Variants in BIN1 observed in about 807,000 individuals in gnomAD.
The protein encoded by BIN1 is myc box-dependent-interacting protein 1.
Under a neutral mutation model 82.0 loss-of-function variants are expected in BIN1, and 53 were observed. That is an observed-to-expected ratio of 0.65 (90% CI 0.52 to 0.81). The LOEUF (loss-of-function observed/expected upper bound fraction) is 0.81. BIN1 is among the 40% of genes least tolerant of loss of function. BIN1 has a pLI of 0.00. For synonymous variants in BIN1, 302 were observed against 328.0 expected (o/e 0.92, Z 0.86); for missense variants, 642 against 784.4 (o/e 0.82, Z 2.17).
intron 15 of BIN1, among the ~76,000 whole-genome samples, chr2:127,051,710 T>G (rs951818212): frequency 2.0e-5 from 3 of 152,122 alleles, no homozygotes; most frequent in Admixed American, 6.5e-5. Context: ...GGTGGTGCGG[T>G]GCAGCCTGTG....
At chr2:127,054,096 G>C (rs1347814824) in intron 12 of BIN1, 84 bp from the exon 13 acceptor site, 4 of 1,143,874 alleles carry the variant, frequency 3.5e-6, no homozygotes, top group Non-Finnish European at 5.2e-6. Flanking sequence ...TGCAGGCACA[G>C]GCACACGCGT....
At position 127,086,082 on chromosome 2, in the gene BIN1, A is replaced by G. The variant is rs528085908; in HGVS notation, c.85-9376T>C. 2.6e-5 allele frequency among the ~76,000 whole-genome samples: 4 copies of G among 151,990 alleles called. No individual in the cohort carries two copies. The South Asian group carries it at 8.3e-4, about 32-fold the overall frequency. On this transcript the variant is annotated intron_variant, in intron 1 of 18. Coordinates refer to ENST00000316724, the MANE Select transcript of BIN1 (RefSeq NM_139343.3). The stretch of plus-strand genomic sequence containing the variant: ...AAGGACTCACCTTGGGGGACACATC[A>G]CCCTTGAACCCCCTCCCGTTGGGTT...
At position 127,059,259 on chromosome 2, in the gene BIN1, G is replaced by T; in HGVS notation, c.858-104C>A. On this transcript the variant is annotated intron_variant, in intron 10 of 18. Coordinates refer to ENST00000316724, the MANE Select transcript of BIN1 (RefSeq NM_139343.3). This position sits in a 1 kb window ranked among gnomAD's most constrained non-coding sequence, Gnocchi z 6.7. Reference sequence around the variant, plus strand: ...CTGTGTGAAGAGGTGTGTGCATATGGAGGTGTGAAACTGTGTGTGTGTGTG... The same window carrying T: ...CTGTGTGAAGAGGTGTGTGCATATGTAGGTGTGAAACTGTGTGTGTGTGTG... The T allele has an allele frequency of 7.6e-7, 1 of 1,318,858 alleles. No individual in the cohort carries two copies. Among genetic ancestry groups the T allele is most frequent in the Non-Finnish European group, 1.0e-6 (1 of 964,850 alleles). The allele number at this position is 1,318,858 out of a possible 1,614,324, so 81.7% of individuals were successfully genotyped here.
chr2:127,083,556 C>A (rs538441742), intron 1 of BIN1, among the ~76,000 whole-genome samples: 2 of 152,276 alleles, frequency 1.3e-5, no homozygotes, highest in South Asian at 2.1e-4. Flanking sequence ...ACCATAAGCA[C>A]CCCCAATACA....
chr2:127,058,521 C>G (rs1684000043), intron 11 of BIN1, among the ~76,000 whole-genome samples: 1 of 150,564 alleles, frequency 6.6e-6, no homozygotes, highest in Non-Finnish European at 1.5e-5. Context: ...GGACCTGCCC[C>G]CTTAGCCACC....
At chr2:127,073,633 A>AT (rs1410054143) in intron 2 of BIN1, among the ~76,000 whole-genome samples, 1 of 152,026 alleles carries the variant, frequency 6.6e-6, no homozygotes, top group Non-Finnish European at 1.5e-5. Flanking sequence ...CCCCTCTGGC[A>AT]CCCCTCAGCC....
chr2:127,068,281 G>T lies in BIN1; in HGVS notation c.520-26C>A. 2 of 1,586,530 alleles carry T rather than the reference G, an allele frequency of 1.3e-6. No individual in the cohort carries two copies. Among genetic ancestry groups the T allele is most frequent in the Non-Finnish European group, 1.7e-6 (2 of 1,161,706 alleles). ...CTGGGGTGGGGAGGTCAAGGCAAAG[G>T]AAGGTGGAGAGACCAGGGAGGTGGG... On this transcript the variant is annotated intron_variant, in intron 6 of 18. Transcript: ENST00000316724. The surrounding 1 kb of genome is among the most constrained non-coding windows in gnomAD (Gnocchi z 4.9).
intron 10 of BIN1, 70 bp downstream of exon 10, chr2:127,062,045 G>T (rs889262130): frequency 9.8e-6 from 15 of 1,525,632 alleles, no homozygotes; most frequent in East Asian, 2.4e-5. Context: ...GGCACCAACA[G>T]GGTCACAGGA....
chr2:127,059,211 C>A lies in BIN1; in HGVS notation c.858-56G>T. The A allele has an allele frequency of 1.3e-6, 2 of 1,536,096 alleles. No individual in the cohort carries two copies. The highest frequency in any genetic ancestry group is 1.7e-4 in the Middle Eastern group (1 of 5,960). On this transcript the variant is annotated intron_variant, in intron 10 of 18. Transcript: ENST00000316724. This position sits in a 1 kb window ranked among gnomAD's most constrained non-coding sequence, Gnocchi z 6.7. ...TGTTGGGGGGCCAAGGCACAGGAGACGGAGGGGCAAATGTATTGACGTCTG... is the reference window on the plus strand; with the variant it reads ...TGTTGGGGGGCCAAGGCACAGGAGAAGGAGGGGCAAATGTATTGACGTCTG...
At chr2:127,063,137 T>C (rs1573605589) in intron 9 of BIN1, among the ~76,000 whole-genome samples, 2 of 152,304 alleles carry the variant, frequency 1.3e-5, no homozygotes, top group South Asian at 4.1e-4. Flanking sequence ...TGTCGCACAG[T>C]GGATTCACGC....
chr2:127,099,767 C>A (rs1480136387), intron 1 of BIN1, among the ~76,000 whole-genome samples: 2 of 151,522 alleles, frequency 1.3e-5, no homozygotes, highest in African/African-American at 4.9e-5. Context: ...CCGCCTCGGC[C>A]TCCCAAAGTG....
intron 1 of BIN1, among the ~76,000 whole-genome samples, chr2:127,099,085 C>T (rs1048261456): frequency 6.6e-6 from 1 of 152,230 alleles, no homozygotes; most frequent in African/African-American, 2.4e-5. Flanking sequence ...ATCCTGCAGA[C>T]ACAGCATCCC....
At chr2:127,081,401 C>T (rs1687274662) in intron 1 of BIN1, among the ~76,000 whole-genome samples, 1 of 152,208 alleles carries the variant, frequency 6.6e-6, no homozygotes, top group African/African-American at 2.4e-5. Context: ...TGAGGAGGGC[C>T]GGGTCTTCGG....
intron 2 of BIN1, among the ~76,000 whole-genome samples, chr2:127,073,013 G>A (rs757821987): frequency 6.6e-5 from 10 of 152,180 alleles, no homozygotes; most frequent in African/African-American, 9.6e-5. Flanking sequence ...CACCTCTCAC[G>A]CCGTCCCCAC....
chr2:127,070,721 C>G (rs1395337044), intron 3 of BIN1, 41 bp downstream of exon 3: 1 of 1,613,968 alleles, frequency 6.2e-7, no homozygotes, highest in Admixed American at 1.7e-5. Context: ...TCTGCACCCA[C>G]CAGCTCTACA....
At chr2:127,083,836 G>A (rs1464479300) in intron 1 of BIN1, among the ~76,000 whole-genome samples, 6 of 152,210 alleles carry the variant, frequency 3.9e-5, no homozygotes, top group African/African-American at 1.4e-4. Context: ...GGATCCATCT[G>A]ATTGTTTCCT....
intron 1 of BIN1, among the ~76,000 whole-genome samples, chr2:127,103,784 G>C (rs1251270541): frequency 6.6e-6 from 1 of 152,202 alleles, no homozygotes; most frequent in Non-Finnish European, 1.5e-5. Flanking sequence ...CACTGGCTTT[G>C]CCTAGCCACT....
chr2:127,103,895 G>A (rs1414625069), intron 1 of BIN1, among the ~76,000 whole-genome samples: 1 of 152,250 alleles, frequency 6.6e-6, no homozygotes, highest in Admixed American at 6.5e-5. Context: ...CAAGCTCCCA[G>A]CACACACAGT....
At position 127,085,811 on chromosome 2, in the gene BIN1, G is replaced by C. The variant is rs1447716452; in HGVS notation, c.85-9105C>G. On this transcript the variant is annotated intron_variant, in intron 1 of 18. Coordinates refer to ENST00000316724, the MANE Select transcript of BIN1 (RefSeq NM_139343.3). ...TAGCTCCTCTGTGCCCCCATACCTG[G>C]GGCCCCCATGTCCCCTGGGCTGGAT... 2.6e-5 allele frequency among the ~76,000 whole-genome samples: 4 copies of C among 152,188 alleles called. No individual in the cohort carries two copies. In the East Asian group the frequency reaches 7.7e-4, roughly 29 times the overall value.
Sources: gnomAD v4.1 joint callset for allele counts (sites outside exome capture counted in the v4.1 genomes callset) on GRCh38, gnomAD v4.1.1 for gene constraint, Gnocchi (gnomAD v3.1) non-coding constraint, MANE v1.5 for transcripts, NCBI Gene and HGNC (gene_info 2026-07-23, HGNC 2026-07-21) for gene names.